Variants in SHC4 observed in about 807,000 individuals in gnomAD.
The protein encoded by SHC4 is SHC adaptor protein 4.
Under a neutral mutation model 69.4 loss-of-function variants are expected in SHC4, and 41 were observed. The observed-to-expected ratio is 0.59, with a 90% CI of 0.46 to 0.77. The LOEUF (loss-of-function observed/expected upper bound fraction) is 0.77, where lower values mean the gene tolerates loss of function less well. SHC4 is among the 30% of genes least tolerant of loss of function. The pLI is 0.00. For missense variants in SHC4, 777 were observed against 783.8 expected, an observed-to-expected ratio of 0.99 and a Z score of 0.10; for synonymous variants, 318 against 299.3, an observed-to-expected ratio of 1.06 and a Z score of -0.64.
intron 2 of SHC4, among the ~76,000 whole-genome samples, chr15:48,896,646 G>A (rs16961813): frequency 0.094 from 14,264 of 152,008 alleles, 1,375 homozygotes; most frequent in African/African-American, 0.23. Context: ...TTCCATTTAA[G>A]AAGGTCCACT....
chr15:48,963,229 C>T lies in SHC4; in HGVS notation c.-214G>A, dbSNP rs1901578198. On this transcript the variant is annotated 5_prime_UTR_variant, in exon 1 of 12. Coordinates refer to ENST00000332408, the MANE Select transcript of SHC4 (RefSeq NM_203349.4). ...TCCCCTGCTCTGATTTCAGTCTCTC[C>T]CTGGCCCAGGCAGAGGCACCAGTGT... The T allele has an allele frequency of 1.9e-6, 1 of 522,018 alleles. No individual in the cohort carries two copies. Among genetic ancestry groups the T allele is most frequent in the Admixed American group, 3.7e-5 (1 of 26,882 alleles). The allele number at this position is 522,018 out of a possible 1,614,324, so 32.3% of individuals were successfully genotyped here. A position where few individuals can be genotyped will look rare whatever the true frequency, so the allele number is the denominator to read the frequency against.
rs985404198 is a variant in SHC4, at chr15:48,825,792, C to T, written c.*179G>A. On this transcript the variant is annotated 3_prime_UTR_variant, in exon 12 of 12. Transcript: ENST00000332408. ...TCTTCCTCTTTTCTGATTTTCATTT[C>T]TGAAGACTAATTTTTGTTAGTTCTT... The T allele has an allele frequency of 5.3e-5, 36 of 674,744 alleles. No individual in the cohort carries two copies. The highest frequency in any genetic ancestry group is 3.5e-4 in the Admixed American group (10 of 28,936). 41.8% of individuals were successfully genotyped at this position (674,744 alleles called of 1,614,324 possible).
chr15:48,847,187 T>G lies in SHC4; in HGVS notation c.1304-3599A>C, dbSNP rs190872109. 1.6e-3 allele frequency among the ~76,000 whole-genome samples: 241 copies of G among 152,234 alleles called. 3 individuals are homozygous for G. The highest frequency in any genetic ancestry group is 1.9e-3 in the Non-Finnish European group (127 of 68,012). On this transcript the variant is annotated intron_variant, in intron 9 of 11. Coordinates refer to ENST00000332408, the MANE Select transcript of SHC4 (RefSeq NM_203349.4). ...GCCAGCTAGTACGCCTTCCAAAAGT[T>G]CTTTGTATTACTCCAAGACCCTTTC...
chr15:48,958,954 G>A (rs1217392593), intron 1 of SHC4, among the ~76,000 whole-genome samples: 1 of 152,198 alleles, frequency 6.6e-6, no homozygotes, highest in Non-Finnish European at 1.5e-5. Flanking sequence ...AGACCTTCAG[G>A]TGGTCCAAAG....
At chr15:48,936,089 T>C (rs1901063775) in intron 1 of SHC4, among the ~76,000 whole-genome samples, 1 of 152,122 alleles carries the variant, frequency 6.6e-6, no homozygotes, top group Admixed American at 6.6e-5. Context: ...ACAGGGAGTG[T>C]TGTATCCCCA....
rs1336750298 is a variant in SHC4, at chr15:48,858,660, C to T, written c.947-845G>A. Among the ~76,000 whole-genome samples the T allele has an allele frequency of 2.6e-5, 4 of 152,112 alleles. 1 individual carries two copies. The highest frequency in any genetic ancestry group is 9.7e-5 in the African/African-American group (4 of 41,404). ...CCTACCATATGTAACATCATTCCTG[C>T]CTTGGTTAGAATATGGCCTTGCAAT... is the stretch of plus-strand genomic sequence containing the variant. On this transcript the variant is annotated intron_variant, in intron 6 of 11. Coordinates refer to ENST00000332408, the MANE Select transcript of SHC4 (RefSeq NM_203349.4).
Position 48,926,461 on chromosome 15 carries a change from CTTT to C in SHC4, c.586-1515_586-1513del, listed in dbSNP as rs59533063. Among the ~76,000 whole-genome samples the C allele has an allele frequency of 1.9e-4, 27 of 145,328 alleles. No individual in the cohort carries two copies. In the South Asian group the frequency reaches 4.6e-3, roughly 25 times the overall value. On this transcript the variant is annotated intron_variant, in intron 1 of 11. Transcript: ENST00000332408. ...AAACACTTCTTGTATAATAGTATTTCTTTTTTTTTTTTTTCTTTTGAGATGGAG... is the reference window on the plus strand; with the variant it reads ...AAACACTTCTTGTATAATAGTATTTCTTTTTTTTTTTCTTTTGAGATGGAG...
At chr15:48,924,857 C>T (rs767262391) in intron 2 of SHC4, 22 bp downstream of exon 2, 3 of 1,612,690 alleles carry the variant, frequency 1.9e-6, no homozygotes, top group Non-Finnish European at 2.5e-6. Context: ...CCTCAAAGCC[C>T]CTCCCATTTT....
chr15:48,952,886 T>C (rs1212542324), intron 1 of SHC4, among the ~76,000 whole-genome samples: 2 of 152,172 alleles, frequency 1.3e-5, no homozygotes, highest in Non-Finnish European at 2.9e-5. Context: ...AAGACAGAAA[T>C]ACCATTTGAC....
intron 9 of SHC4, among the ~76,000 whole-genome samples, chr15:48,844,925 T>C (rs1303580168): frequency 6.6e-6 from 1 of 152,224 alleles, no homozygotes; most frequent in African/African-American, 2.4e-5. Context: ...CTTTACAAAT[T>C]ACCCAGTCTT....
intron 1 of SHC4, among the ~76,000 whole-genome samples, chr15:48,955,926 C>CT (rs1319264923): frequency 6.6e-6 from 1 of 152,130 alleles, no homozygotes; most frequent in Non-Finnish European, 1.5e-5. Context: ...ATGTCTGAGC[C>CT]TTAGTTTCCT....
intron 2 of SHC4, among the ~76,000 whole-genome samples, chr15:48,892,135 G>T (rs945017403): frequency 2.0e-5 from 3 of 152,136 alleles, no homozygotes; most frequent in East Asian, 3.9e-4. Flanking sequence ...GACTACAGGC[G>T]TGAGCCACCG....
chr15:48,878,203 G>C (rs1456757562), intron 4 of SHC4: 2 of 1,574,156 alleles, frequency 1.3e-6, no homozygotes, highest in African/African-American at 1.3e-5. Flanking sequence ...AGTTGTCCGA[G>C]CTGTATGAAG....
intron 1 of SHC4, chr15:48,946,434 G>A (rs1034322451): frequency 8.0e-6 from 3 of 375,252 alleles, no homozygotes; most frequent in Admixed American, 1.3e-4. Flanking sequence ...CCACAGCAAT[G>A]CCCACGTCCT....
chr15:48,870,110 T>C (rs1899640007), intron 5 of SHC4, among the ~76,000 whole-genome samples: 1 of 152,202 alleles, frequency 6.6e-6, no homozygotes, highest in East Asian at 1.9e-4. Context: ...CAAATGCCAA[T>C]AATTATTTTT....
At chr15:48,844,839 G>A (rs1402373176) in intron 9 of SHC4, among the ~76,000 whole-genome samples, 1 of 152,120 alleles carries the variant, frequency 6.6e-6, no homozygotes, top group Non-Finnish European at 1.5e-5. Context: ...ATGTGCCTTT[G>A]CTTCTCCTTT....
At chr15:48,844,345 T>C (rs1899048732) in intron 9 of SHC4, among the ~76,000 whole-genome samples, 1 of 152,158 alleles carries the variant, frequency 6.6e-6, no homozygotes, top group Non-Finnish European at 1.5e-5. Flanking sequence ...TTCAATTGCT[T>C]CCCATGCTCT....
At chr15:48,954,800 C>T (rs1399827010) in intron 1 of SHC4, among the ~76,000 whole-genome samples, 1 of 152,168 alleles carries the variant, frequency 6.6e-6, no homozygotes, top group African/African-American at 2.4e-5. Context: ...TATTGAAATC[C>T]ATTCTCTTCC....
intron 1 of SHC4, among the ~76,000 whole-genome samples, chr15:48,949,010 T>C (rs1181021140): frequency 6.6e-6 from 1 of 152,140 alleles, no homozygotes; most frequent in East Asian, 1.9e-4. Flanking sequence ...ACACTGCTTG[T>C]CCTTCTGTAG....
Sources: allele counts gnomAD v4.1 joint callset (sites outside exome capture counted in the v4.1 genomes callset), GRCh38; gene constraint gnomAD v4.1.1; transcripts MANE v1.5; gene names NCBI Gene and HGNC (gene_info 2026-07-23, HGNC 2026-07-21).